The following TRPM3 variants were observed in gnomAD, a reference collection of about 807,000 sequenced individuals.
TRPM3 encodes the protein transient receptor potential cation channel subfamily M member 3.
TRPM3 carries 77 observed loss-of-function variants against 181.2 expected under a neutral mutation model. That is an observed-to-expected ratio of 0.42 (90% CI 0.35 to 0.51). The LOEUF (loss-of-function observed/expected upper bound fraction) is 0.51. Among genes scored for constraint, TRPM3 ranks in the 20% least tolerant of loss-of-function variants. The pLI, the probability that TRPM3 is intolerant of heterozygous loss-of-function variation, is 0.01. For missense variants in TRPM3, 1,759 were observed against 2,196.7 expected (o/e 0.80, Z 3.98); for synonymous variants, 745 against 796.4 (o/e 0.94, Z 1.09).
At chr9:71,147,424 G>GACACACACACAC (rs34795244) in intron 1 of TRPM3, among the ~76,000 whole-genome samples, 4,331 of 144,968 alleles carry the variant, frequency 0.03, 119 homozygotes, top group African/African-American at 0.071. Context: ...GCAACACACA[G>GACACACACACAC]ACACACACAC....
At chr9:70,620,398 T>G in intron 15 of TRPM3, 33 bp from the exon 16 acceptor site, 1 of 1,575,190 alleles carries the variant, frequency 6.3e-7, no homozygotes, top group Middle Eastern at 1.9e-4. Context: ...CAGACTGAGT[T>G]AGAAATGAAT....
In TRPM3 at chr9:70,885,905, T is replaced by G. The variant is rs2096074609; in HGVS notation, c.178-21394A>C. ...TACTTAGCATAGAAACAGCACAAAT[T>G]GCCCTTAATAATACAAAGAAACAAA... On this transcript the variant is annotated intron_variant, in intron 1 of 25. Transcript: ENST00000677713. Among the ~76,000 whole-genome samples the G allele has an allele frequency of 3.9e-5, 6 of 152,338 alleles. No homozygotes were observed. The South Asian group carries it at 8.3e-4, about 21-fold the overall frequency.
chr9:71,158,057 C>T (rs1415202257), intron 1 of TRPM3, among the ~76,000 whole-genome samples: 1 of 152,044 alleles, frequency 6.6e-6, no homozygotes, highest in African/African-American at 2.4e-5. Flanking sequence ...TAATATTGTA[C>T]AGTAAGACAT....
rs535050364 is a variant in TRPM3, at chr9:70,534,060, G to C, written c.*1893C>G. The C allele has an allele frequency of 1.3e-5, 2 of 152,118 alleles. No individual in the cohort carries two copies. Among genetic ancestry groups the C allele is most frequent in the Non-Finnish European group, 2.9e-5 (2 of 68,030 alleles). 9.4% of individuals were successfully genotyped at this position (152,118 alleles called of 1,614,324 possible). On this transcript the variant is annotated 3_prime_UTR_variant, in exon 26 of 26. Transcript: ENST00000677713. ...TTAAAGGCTTTATTCTTTTTTAAAC[G>C]TTAATGAGCCAAATAGGAATCCAAA...
intron 6 of TRPM3, chr9:70,811,104 A>G: frequency 7.9e-7 from 1 of 1,272,020 alleles, no homozygotes; most frequent in Non-Finnish European, 1.1e-6. Flanking sequence ...AAAGGAAATG[A>G]AGACTTCTGT....
rs560543751 is a variant in TRPM3, at chr9:71,316,843, CATA to C, written c.183+129807_183+129809del. 1.3e-4 allele frequency among the ~76,000 whole-genome samples: 20 copies of C among 152,200 alleles called. No homozygotes were observed. The East Asian group carries it at 3.9e-3, about 29-fold the overall frequency. On this transcript the variant is annotated intron_variant, in intron 1 of 24. Transcript: ENST00000357533. ...ACAGCAAAAGAAAATTGATATCACT[CATA>C]AGAATTAATCTCATCGTAAAGAAAA...
intron 1 of TRPM3, among the ~76,000 whole-genome samples, chr9:71,334,395 A>C (rs2090418918): frequency 6.6e-6 from 1 of 151,836 alleles, no homozygotes; most frequent in Non-Finnish European, 1.5e-5. Flanking sequence ...CGCTAGGAAA[A>C]AGAGACCAAT....
At chr9:71,094,516 C>T (rs2066777410) in intron 1 of TRPM3, among the ~76,000 whole-genome samples, 1 of 152,120 alleles carries the variant, frequency 6.6e-6, no homozygotes, top group East Asian at 1.9e-4. Context: ...TTTAGAGAAT[C>T]CCTGTAATTC....
chr9:70,696,344 T>C (rs1169225011), intron 8 of TRPM3, among the ~76,000 whole-genome samples: 2 of 152,214 alleles, frequency 1.3e-5, no homozygotes, highest in Non-Finnish European at 2.9e-5. Context: ...TCTGCATTAT[T>C]TCCCATCCGG....
chr9:71,121,105 C>T, intron 1 of TRPM3, 73 bp downstream of exon 1: 1 of 1,493,570 alleles, frequency 6.7e-7, no homozygotes, highest in Non-Finnish European at 9.2e-7. Flanking sequence ...TGCGTCCCAG[C>T]CCAAGTCCCC....
intron 8 of TRPM3, among the ~76,000 whole-genome samples, chr9:70,757,232 A>G (rs2077241195): frequency 6.6e-6 from 1 of 152,234 alleles, no homozygotes; most frequent in African/African-American, 2.4e-5. Flanking sequence ...TAGAAAATAT[A>G]GAAGAAATGG....
chr9:71,031,406 ACTT>A (rs2057288526), intron 1 of TRPM3, among the ~76,000 whole-genome samples: 1 of 152,170 alleles, frequency 6.6e-6, no homozygotes. Flanking sequence ...CTAAGCATCA[ACTT>A]CTTCATTTAT....
chr9:71,031,194 T>C (rs2057252614), intron 1 of TRPM3, among the ~76,000 whole-genome samples: 1 of 152,208 alleles, frequency 6.6e-6, no homozygotes, highest in South Asian at 2.1e-4. Flanking sequence ...AAGATGTTCA[T>C]TCATTCTTTC....
intron 1 of TRPM3, among the ~76,000 whole-genome samples, chr9:71,261,178 A>G (rs1397308862): frequency 2.0e-5 from 3 of 152,186 alleles, no homozygotes; most frequent in Non-Finnish European, 4.4e-5. Flanking sequence ...ATAGTCCCAT[A>G]TTCCTTGGAG....
chr9:70,771,908 A>C (rs1213235101), intron 7 of TRPM3, among the ~76,000 whole-genome samples: 3 of 152,200 alleles, frequency 2.0e-5, no homozygotes, highest in Admixed American at 1.3e-4. Context: ...CCCTGCTAAA[A>C]TAAAGGCTCC....
At chr9:70,969,026 C>T (rs2097212286) in intron 1 of TRPM3, among the ~76,000 whole-genome samples, 1 of 152,090 alleles carries the variant, frequency 6.6e-6, no homozygotes, top group Non-Finnish European at 1.5e-5. Flanking sequence ...TCTAAATAAA[C>T]TAAAGAGCTT....
At chr9:71,328,807 T>C (rs956619272) in intron 1 of TRPM3, among the ~76,000 whole-genome samples, 2 of 152,232 alleles carry the variant, frequency 1.3e-5, no homozygotes, top group African/African-American at 4.8e-5. Context: ...TTATGTCTAA[T>C]GTACTGCATT....
At chr9:70,881,036 T>G (rs899861609) in intron 1 of TRPM3, among the ~76,000 whole-genome samples, 1 of 152,166 alleles carries the variant, frequency 6.6e-6, no homozygotes, top group African/African-American at 2.4e-5. Context: ...ATAAACATGA[T>G]GACAATCCTG....
chr9:71,105,798 C>G (rs1019271350), intron 1 of TRPM3, among the ~76,000 whole-genome samples: 1 of 152,134 alleles, frequency 6.6e-6, no homozygotes. Flanking sequence ...GAACGTAGTA[C>G]GTGTATACAC....
Sources: allele counts gnomAD v4.1 joint callset (sites outside exome capture counted in the v4.1 genomes callset), GRCh38; gene constraint gnomAD v4.1.1; transcripts MANE v1.5; gene names NCBI Gene and HGNC (gene_info 2026-07-23, HGNC 2026-07-21).